Variants in ANAPC10 observed in about 807,000 individuals in gnomAD.
The protein encoded by ANAPC10 is anaphase-promoting complex subunit 10.
Under a neutral mutation model 22.0 loss-of-function variants are expected in ANAPC10, and 12 were observed. The observed-to-expected ratio is 0.55, with a 90% confidence interval of 0.35 to 0.88. ANAPC10 has a LOEUF of 0.88. ANAPC10 is among the 40% of genes least tolerant of loss of function. The pLI is 0.01. For missense variants in ANAPC10, 188 were observed against 220.9 expected (o/e 0.85, Z 0.94); for synonymous variants, 65 against 69.5 (o/e 0.94, Z 0.32).
chr4:145,024,483 A>G (rs943663223), intron 4 of ANAPC10, among the ~76,000 whole-genome samples: 13 of 152,230 alleles, frequency 8.5e-5, no homozygotes, highest in Non-Finnish European at 1.6e-4. Context: ...GCTGCAGAAC[A>G]GATGTTGTAT....
At chr4:145,046,064 C>G (rs1220279861) in intron 4 of ANAPC10, among the ~76,000 whole-genome samples, 2 of 152,060 alleles carry the variant, frequency 1.3e-5, no homozygotes, top group Non-Finnish European at 2.9e-5. Context: ...CAGGAGCGCA[C>G]CCTAAGCATT....
chr4:145,084,596 C>T (rs945113979), intron 2 of ANAPC10, among the ~76,000 whole-genome samples: 1 of 151,838 alleles, frequency 6.6e-6, no homozygotes, highest in Non-Finnish European at 1.5e-5. Context: ...AAAAAAAATT[C>T]ATAATGTTTC....
intron 3 of ANAPC10, among the ~76,000 whole-genome samples, chr4:145,079,552 C>T (rs936081797): frequency 6.6e-6 from 1 of 152,196 alleles, no homozygotes; most frequent in Non-Finnish European, 1.5e-5. Context: ...GGATTTAAAT[C>T]ATTTCACCAT....
chr4:145,055,355 C>T (rs557602682), intron 4 of ANAPC10, among the ~76,000 whole-genome samples: 2 of 152,082 alleles, frequency 1.3e-5, no homozygotes, highest in Non-Finnish European at 2.9e-5. Flanking sequence ...GTCAGGAGTT[C>T]GAGACTAGCC....
intron 3 of ANAPC10, among the ~76,000 whole-genome samples, chr4:145,064,917 G>C (rs541388710): frequency 6.6e-6 from 1 of 152,020 alleles, no homozygotes; most frequent in East Asian, 1.9e-4. Flanking sequence ...CACCTATGTA[G>C]AACATGGTCA....
At chr4:145,077,274 T>A (rs1022544294) in intron 3 of ANAPC10, among the ~76,000 whole-genome samples, 1 of 152,054 alleles carries the variant, frequency 6.6e-6, no homozygotes, top group Admixed American at 6.6e-5. Flanking sequence ...CTGAGAAATA[T>A]GAGATTATGT....
intron 1 of ANAPC10, chr4:145,097,400 C>T (rs1380518142): frequency 2.0e-6 from 2 of 985,740 alleles, no homozygotes; most frequent in South Asian, 2.7e-5. Context: ...AATACTGGAT[C>T]GTGAACAATA....
intron 2 of ANAPC10, among the ~76,000 whole-genome samples, chr4:145,093,946 G>A (rs989110582): frequency 2.6e-5 from 4 of 152,174 alleles, no homozygotes; most frequent in Non-Finnish European, 5.9e-5. Flanking sequence ...TGGACACAAT[G>A]TCTTTTACAA....
intron 4 of ANAPC10, among the ~76,000 whole-genome samples, chr4:145,036,851 A>G (rs1434332837): frequency 6.6e-6 from 1 of 152,184 alleles, no homozygotes. Flanking sequence ...GCTGAGGTAC[A>G]TATTCACAGT....
rs527715109 is a variant in ANAPC10, at chr4:145,055,159, T to G, written c.327+9413A>C. Among the ~76,000 whole-genome samples the G allele has an allele frequency of 8.5e-5, 13 of 152,212 alleles. No homozygotes were observed. In the East Asian group the frequency reaches 2.1e-3, roughly 25 times the overall value. ...CATCCACTGTTCACAGCACTACTAT[T>G]CACATTAGGCAAGAGGTGGGAACAA... On this transcript the variant is annotated intron_variant, in intron 4 of 4. Transcript: ENST00000507656.
intron 4 of ANAPC10, among the ~76,000 whole-genome samples, chr4:145,049,426 G>A (rs1740781373): frequency 6.6e-6 from 1 of 152,142 alleles, no homozygotes; most frequent in African/African-American, 2.4e-5. Flanking sequence ...CTAAGATGAT[G>A]CAATATTCTA....
chr4:145,054,654 CGTGCGT>C (rs1560884771), intron 4 of ANAPC10, among the ~76,000 whole-genome samples: 1 of 142,030 alleles, frequency 7.0e-6, no homozygotes, highest in East Asian at 2.1e-4. Context: ...CGCGCGCGCG[CGTGCGT>C]GCAGCGCATG....
intron 3 of ANAPC10, among the ~76,000 whole-genome samples, chr4:145,068,825 G>A (rs1455616284): frequency 1.3e-5 from 2 of 152,148 alleles, no homozygotes; most frequent in Non-Finnish European, 2.9e-5. Flanking sequence ...CAGGAGAATC[G>A]CTTGAACCCA....
intron 3 of ANAPC10, among the ~76,000 whole-genome samples, chr4:145,074,675 A>G (rs1744941541): frequency 6.6e-6 from 1 of 152,220 alleles, no homozygotes; most frequent in Non-Finnish European, 1.5e-5. Flanking sequence ...CATTAGGACT[A>G]AACATGAGCT....
At chr4:145,007,800 A>G (rs1276583263) in intron 4 of ANAPC10, among the ~76,000 whole-genome samples, 2 of 152,098 alleles carry the variant, frequency 1.3e-5, no homozygotes, top group African/African-American at 4.8e-5. Context: ...TTCAGAAGCT[A>G]GCAGAAGGCA....
intron 2 of ANAPC10, 110 bp downstream of exon 2, chr4:145,095,875 A>T: frequency 7.1e-7 from 1 of 1,410,028 alleles, no homozygotes; most frequent in Non-Finnish European, 1.0e-6. Context: ...CCATGGTTTT[A>T]GGCATCCACT....
At chr4:145,077,144 A>G (rs1745317449) in intron 3 of ANAPC10, among the ~76,000 whole-genome samples, 1 of 152,208 alleles carries the variant, frequency 6.6e-6, no homozygotes, top group Non-Finnish European at 1.5e-5. Context: ...GCTTGCAGTG[A>G]GCCGAGATCG....
At chr4:145,002,056 T>C (rs906838141) in intron 4 of ANAPC10, among the ~76,000 whole-genome samples, 1 of 152,172 alleles carries the variant, frequency 6.6e-6, no homozygotes, top group East Asian at 1.9e-4. Flanking sequence ...GTTGCTCTTT[T>C]CTCCCTACTC....
intron 4 of ANAPC10, among the ~76,000 whole-genome samples, chr4:145,026,955 G>GTA (rs1560840398): frequency 2.9e-4 from 5 of 17,054 alleles, no homozygotes; most frequent in African/African-American, 9.0e-4. Context: ...ATGTGTGTGT[G>GTA]TGTATATATA....
Sources: allele counts gnomAD v4.1 joint callset (sites outside exome capture counted in the v4.1 genomes callset), GRCh38; gene constraint gnomAD v4.1.1; transcripts MANE v1.5; gene names NCBI Gene and HGNC (gene_info 2026-07-23, HGNC 2026-07-21).